LRRC4C: variants seen among roughly 807,000 people sequenced by gnomAD.
The protein encoded by LRRC4C is leucine rich repeat containing 4C, also known as leucine-rich repeat-containing protein 4C.
In LRRC4C, 5 loss-of-function variants were observed where a neutral mutation model predicts 33.6. The observed-to-expected ratio is 0.15, with a 90% CI of 0.08 to 0.31. The LOEUF (loss-of-function observed/expected upper bound fraction) is 0.31. LRRC4C is among the 10% of genes least tolerant of loss of function. The pLI is 1.00. For synonymous variants in LRRC4C, 329 were observed against 302.0 expected (o/e 1.09, Z -0.93); for missense variants, 560 against 796.7 (o/e 0.70, Z 3.58).
At chr11:41,071,477 C>T (rs548616799) in intron 1 of LRRC4C, among the ~76,000 whole-genome samples, 24 of 152,138 alleles carry the variant, frequency 1.6e-4, no homozygotes, top group African/African-American at 4.3e-4. Flanking sequence ...ACAAATTATG[C>T]GAACTCTGCT....
chr11:40,526,999 C>G (rs1352494795), intron 3 of LRRC4C, among the ~76,000 whole-genome samples: 3 of 151,998 alleles, frequency 2.0e-5, no homozygotes, highest in Non-Finnish European at 4.4e-5. Context: ...GAATTTTTAA[C>G]AAAAGAAGCT....
At chr11:41,109,672 C>T (rs1217838768) in intron 1 of LRRC4C, among the ~76,000 whole-genome samples, 2 of 152,004 alleles carry the variant, frequency 1.3e-5, no homozygotes, top group Non-Finnish European at 2.9e-5. Flanking sequence ...ATTTATTAAT[C>T]ATCTAGTTTT....
chr11:41,304,384 CCGGG>C, intron 1 of LRRC4C, among the ~76,000 whole-genome samples: 2 of 90,498 alleles, frequency 2.2e-5, no homozygotes, highest in Non-Finnish European at 4.8e-5. Context: ...GCCGCCCTGT[CCGGG>C]AGGGAGGTGG....
chr11:41,411,142 A>ATTTTTTTCTTTTTTTTTTTT (rs1954464404), intron 1 of LRRC4C, among the ~76,000 whole-genome samples: 1 of 57,240 alleles, frequency 1.7e-5, no homozygotes, highest in Non-Finnish European at 2.9e-5. Context: ...TTGGTACCCT[A>ATTTTTTTCTTTTTTTTTTTT]TTTTTTTTTT....
intron 1 of LRRC4C, among the ~76,000 whole-genome samples, chr11:41,207,818 T>G (rs1167853145): frequency 6.6e-6 from 1 of 152,184 alleles, no homozygotes; most frequent in Non-Finnish European, 1.5e-5. Flanking sequence ...TATTTTGTTT[T>G]GGCAGCCTCA....
intron 2 of LRRC4C, among the ~76,000 whole-genome samples, chr11:40,816,858 A>G (rs1204188054): frequency 6.6e-6 from 1 of 152,132 alleles, no homozygotes; most frequent in African/African-American, 2.4e-5. Context: ...AAGATATTAT[A>G]TTCAGGGTTG....
chr11:41,098,439 A>G (rs1348765040), intron 1 of LRRC4C, among the ~76,000 whole-genome samples: 1 of 152,156 alleles, frequency 6.6e-6, no homozygotes, highest in Non-Finnish European at 1.5e-5. Context: ...CAGGAACCAT[A>G]GCTCAGGTGA....
At chr11:41,327,821 C>T (rs7933914) in intron 1 of LRRC4C, among the ~76,000 whole-genome samples, 3,351 of 152,236 alleles carry the variant, frequency 0.022, 125 homozygotes, top group African/African-American at 0.076. Context: ...CTCTTGCCTG[C>T]TGCTATGTAA....
Position 41,199,208 on chromosome 11 carries a change from T to G in LRRC4C, c.-496+260223A>C, listed in dbSNP as rs141028673. On this transcript the variant is annotated intron_variant, in intron 1 of 6. Coordinates refer to ENST00000528697, the MANE Select transcript of LRRC4C (RefSeq NM_001258419.2). ...CAGTAGTTCAAGGGGTGAGTATTCC[T>G]GAGTTTGTTCAATTCTTAAATCCTG... Among the ~76,000 whole-genome samples the G allele has an allele frequency of 3.4e-3, 512 of 152,262 alleles. 4 individuals carry two copies. The highest frequency in any genetic ancestry group is 0.012 in the African/African-American group (483 of 41,578).
At chr11:40,597,179 G>A (rs1591228185) in intron 3 of LRRC4C, among the ~76,000 whole-genome samples, 1 of 152,056 alleles carries the variant, frequency 6.6e-6, no homozygotes, top group East Asian at 1.9e-4. Context: ...AGGGTAAATA[G>A]CATTTGGTAA....
intron 1 of LRRC4C, among the ~76,000 whole-genome samples, chr11:41,138,084 A>T (rs1193358421): frequency 1.3e-5 from 2 of 152,236 alleles, no homozygotes; most frequent in South Asian, 2.1e-4. Context: ...TTATTCATGT[A>T]TTCATTCACT....
chr11:40,521,458 ATTCAT>A (rs929674378), intron 3 of LRRC4C, among the ~76,000 whole-genome samples: 5 of 152,330 alleles, frequency 3.3e-5, no homozygotes, highest in Middle Eastern at 3.4e-3. Context: ...TATTCGTTAC[ATTCAT>A]TTCATTTATT....
At chr11:41,204,988 T>C (rs1456041522) in intron 1 of LRRC4C, among the ~76,000 whole-genome samples, 5 of 152,152 alleles carry the variant, frequency 3.3e-5, no homozygotes, top group Non-Finnish European at 7.4e-5. Context: ...TGATTTTGAA[T>C]AAAGACTTAC....
chr11:40,308,625 G>T (rs763871146), intron 4 of LRRC4C, among the ~76,000 whole-genome samples: 5 of 152,176 alleles, frequency 3.3e-5, no homozygotes, highest in Non-Finnish European at 5.9e-5. Context: ...CTGGGCAAGT[G>T]ACTCAAGCCA....
At chr11:41,455,684 A>T (rs781617412) in intron 1 of LRRC4C, among the ~76,000 whole-genome samples, 1 of 152,186 alleles carries the variant, frequency 6.6e-6, no homozygotes, top group Non-Finnish European at 1.5e-5. Context: ...ACTGTAACAC[A>T]TTACATTTCT....
Position 40,580,511 on chromosome 11 carries a change from C to T in LRRC4C, c.-270+67631G>A, listed in dbSNP as rs563943325. Among the ~76,000 whole-genome samples, 10 of 152,282 alleles carry T rather than the reference C, an allele frequency of 6.6e-5. No individual in the cohort carries two copies. The South Asian group carries it at 2.1e-3, about 32-fold the overall frequency. On this transcript the variant is annotated intron_variant, in intron 3 of 6. Coordinates refer to ENST00000528697, the MANE Select transcript of LRRC4C (RefSeq NM_001258419.2). The stretch of plus-strand genomic sequence containing the variant: ...GGGATGCAGAGTCAAACCATATCAG[C>T]TACTGACCTTAGGGAGAAATTATTC...
chr11:40,448,522 C>T (rs759290543), intron 3 of LRRC4C, among the ~76,000 whole-genome samples: 4 of 151,924 alleles, frequency 2.6e-5, no homozygotes, highest in South Asian at 2.1e-4. Flanking sequence ...GTTCCTGTGT[C>T]GATTTGCTGA....
intron 3 of LRRC4C, chr11:40,447,151 G>T: frequency 5.8e-6 from 1 of 171,062 alleles, no homozygotes; most frequent in Non-Finnish European, 1.3e-5. Flanking sequence ...TACCAATCCT[G>T]GTAATGGCAC....
At chr11:41,241,497 G>A (rs77529705) in intron 1 of LRRC4C, among the ~76,000 whole-genome samples, 6 of 152,218 alleles carry the variant, frequency 3.9e-5, no homozygotes, top group African/African-American at 1.4e-4. Context: ...ATATACTTGA[G>A]TTATCAACAA....
Sources: gnomAD v4.1 joint callset for allele counts (sites outside exome capture counted in the v4.1 genomes callset) on GRCh38, gnomAD v4.1.1 for gene constraint, MANE v1.5 for transcripts, NCBI Gene and HGNC (gene_info 2026-07-23, HGNC 2026-07-21) for gene names.